The following LDLRAD4 variants were observed in gnomAD, a reference collection of about 807,000 sequenced individuals.
LDLRAD4 encodes the protein low density lipoprotein receptor class A domain containing 4.
In LDLRAD4, 5 loss-of-function variants were observed where a neutral mutation model predicts 17.0. The ratio of observed to expected loss-of-function variants is 0.29; its 90% CI spans 0.15 to 0.62. The LOEUF (loss-of-function observed/expected upper bound fraction) is 0.62. LDLRAD4 is among the 20% of genes least tolerant of loss of function. The probability of loss-of-function intolerance (pLI) is 0.84; values close to 1 mark genes in which losing one functional copy is unlikely to be tolerated. For missense variants in LDLRAD4, 340 were observed against 424.7 expected, an observed-to-expected ratio of 0.80 and a Z score of 1.75; for synonymous variants, 168 against 171.8, an observed-to-expected ratio of 0.98 and a Z score of 0.17.
At chr18:13,290,145 C>T (rs1417903781) in intron 1 of LDLRAD4, among the ~76,000 whole-genome samples, 1 of 152,212 alleles carries the variant, frequency 6.6e-6, no homozygotes, top group Non-Finnish European at 1.5e-5. Context: ...GCTGATGGGG[C>T]ACCCATTCTT....
At chr18:13,321,810 G>A (rs187035885) in intron 1 of LDLRAD4, among the ~76,000 whole-genome samples, 73 of 134,018 alleles carry the variant, frequency 5.4e-4, no homozygotes, top group African/African-American at 1.5e-3. Context: ...GCAGTGAGCC[G>A]AGATCGCGCC....
intron 1 of LDLRAD4, among the ~76,000 whole-genome samples, chr18:13,304,424 G>A (rs544429130): frequency 6.6e-6 from 1 of 152,330 alleles, no homozygotes. Context: ...GCTAGTGTCA[G>A]GTCTGTATCT....
intron 1 of LDLRAD4, among the ~76,000 whole-genome samples, chr18:13,373,096 T>A (rs1049871038): frequency 6.6e-6 from 1 of 152,224 alleles, no homozygotes; most frequent in Non-Finnish European, 1.5e-5. Flanking sequence ...ATTTTTATCA[T>A]TTTTAATGGA....
At chr18:13,408,006 A>T (rs2087930581) in intron 2 of LDLRAD4, among the ~76,000 whole-genome samples, 1 of 151,994 alleles carries the variant, frequency 6.6e-6, no homozygotes, top group African/African-American at 2.4e-5. Context: ...AATTGTTTGT[A>T]TTTTCTTTTT....
At chr18:13,356,492 A>G (rs1196501674) in intron 1 of LDLRAD4, among the ~76,000 whole-genome samples, 2 of 152,274 alleles carry the variant, frequency 1.3e-5, no homozygotes, top group East Asian at 3.8e-4. Flanking sequence ...AAGATGAAAA[A>G]GTAGGACAGA....
chr18:13,343,957 A>C (rs1322424418), intron 1 of LDLRAD4, among the ~76,000 whole-genome samples: 3 of 152,066 alleles, frequency 2.0e-5, no homozygotes, highest in Non-Finnish European at 2.9e-5. Flanking sequence ...AATTTGCTTG[A>C]GTTCATTGTA....
At position 13,441,957 on chromosome 18, in the gene LDLRAD4, T is replaced by C. The variant is rs150946149; in HGVS notation, c.181+3573T>C. Among the ~76,000 whole-genome samples, 226 of 152,306 alleles carry C rather than the reference T, an allele frequency of 1.5e-3. 1 individual carries two copies. Among genetic ancestry groups the C allele is most frequent in the African/African-American group, 5.3e-3 (220 of 41,552 alleles). ...CTGACATCCATTATCTCCTGGGGAA[T>C]GAGTTTTCCTGGCTGCATCTTTCTG... On this transcript the variant is annotated intron_variant, in intron 3 of 5. Coordinates refer to ENST00000359446, the Ensembl canonical transcript of LDLRAD4.
At chr18:13,289,251 C>G (rs1186172613) in intron 1 of LDLRAD4, among the ~76,000 whole-genome samples, 1 of 152,174 alleles carries the variant, frequency 6.6e-6, no homozygotes, top group Non-Finnish European at 1.5e-5. Context: ...GGTTTAGTTC[C>G]TAGGGACTTA....
At chr18:13,296,657 G>GT (rs2046296417) in intron 1 of LDLRAD4, among the ~76,000 whole-genome samples, 1 of 151,356 alleles carries the variant, frequency 6.6e-6, no homozygotes, top group Non-Finnish European at 1.5e-5. Flanking sequence ...GATTACAGGC[G>GT]TGAGCCACAG....
At chr18:13,390,988 G>A (rs1165784379) in intron 2 of LDLRAD4, among the ~76,000 whole-genome samples, 3 of 152,218 alleles carry the variant, frequency 2.0e-5, no homozygotes, top group Non-Finnish European at 4.4e-5. Flanking sequence ...CACTCTGCCT[G>A]CCCAGGCAGC....
intron 3 of LDLRAD4, chr18:13,520,207 C>T (rs2093931951): frequency 6.6e-6 from 1 of 152,084 alleles, no homozygotes; most frequent in Non-Finnish European, 1.5e-5. Flanking sequence ...GAATTTTCAC[C>T]GTTTAGTTGG....
In LDLRAD4 at chr18:13,308,800, T is replaced by G. The variant is rs373094138; in HGVS notation, c.-383+30612T>G. Among the ~76,000 whole-genome samples the G allele has an allele frequency of 7.2e-5, 11 of 152,222 alleles. No individual in the cohort carries two copies. The East Asian group carries it at 2.1e-3, about 29-fold the overall frequency. ...AACGCATGCAGATACTGTTTCCAAGTTTTTGTTATTTGTCTTTTAAATTTG... is the reference window on the plus strand; with the variant it reads ...AACGCATGCAGATACTGTTTCCAAGGTTTTGTTATTTGTCTTTTAAATTTG... On this transcript the variant is annotated intron_variant, in intron 1 of 5. Transcript: ENST00000359446.
chr18:13,274,831 C>G (rs146874199), upstream of LDLRAD4, among the ~76,000 whole-genome samples: 2 of 152,236 alleles, frequency 1.3e-5, no homozygotes, highest in Admixed American at 6.5e-5. Context: ...AGCTTAAAGT[C>G]TTGATTAAAA....
intron 1 of LDLRAD4, among the ~76,000 whole-genome samples, chr18:13,234,317 G>C (rs767757584): frequency 1.2e-4 from 19 of 152,202 alleles, no homozygotes; most frequent in African/African-American, 4.6e-4. Context: ...CCCTGGGTGC[G>C]CACATTAGTC....
chr18:13,317,566 CCTGT>C (rs771881743), intron 1 of LDLRAD4, among the ~76,000 whole-genome samples: 71 of 152,306 alleles, frequency 4.7e-4, no homozygotes, highest in Middle Eastern at 3.4e-3. Flanking sequence ...CAATGGTACA[CCTGT>C]CTATTTTCCG....
At chr18:13,427,210 A>G (rs138472781) in intron 2 of LDLRAD4, among the ~76,000 whole-genome samples, 82 of 152,062 alleles carry the variant, frequency 5.4e-4, no homozygotes, top group African/African-American at 1.9e-3. Flanking sequence ...AAACAAATAA[A>G]TAAATAAAAC....
At chr18:13,372,396 C>T (rs780699226) in intron 1 of LDLRAD4, among the ~76,000 whole-genome samples, 1 of 152,220 alleles carries the variant, frequency 6.6e-6, no homozygotes, top group South Asian at 2.1e-4. Flanking sequence ...TTTTGCTGAA[C>T]ACTAAGCTAA....
chr18:13,612,442 G>C, intron 3 of LDLRAD4: 1 of 1,276,570 alleles, frequency 7.8e-7, no homozygotes, highest in Non-Finnish European at 9.9e-7. Context: ...GTTGATAATT[G>C]GTAGCCACAG....
intron 4 of LDLRAD4, among the ~76,000 whole-genome samples, chr18:13,629,158 T>G (rs1016680495): frequency 5.3e-5 from 8 of 152,242 alleles, no homozygotes; most frequent in African/African-American, 1.9e-4. Flanking sequence ...TTGTTTGTTT[T>G]TTTAATCAAG....
Sources: gnomAD v4.1 joint callset for allele counts (sites outside exome capture counted in the v4.1 genomes callset) on GRCh38, gnomAD v4.1.1 for gene constraint, MANE v1.5 for transcripts, NCBI Gene and HGNC (gene_info 2026-07-23, HGNC 2026-07-21) for gene names.